The following KCNH1 variants were observed in gnomAD, a reference collection of about 807,000 sequenced individuals.
KCNH1 encodes the protein voltage-gated delayed rectifier potassium channel KCNH1.
Under a neutral mutation model 69.2 loss-of-function variants are expected in KCNH1, and 27 were observed. The observed-to-expected ratio is 0.39, with a 90% CI of 0.29 to 0.54. The LOEUF (loss-of-function observed/expected upper bound fraction) is 0.54, where lower values mean the gene tolerates loss of function less well. Among genes scored for constraint, KCNH1 ranks in the 20% least tolerant of loss-of-function variants. KCNH1 has a pLI of 0.68. For synonymous variants in KCNH1, 456 were observed against 487.7 expected (o/e 0.93, Z 0.86); for missense variants, 798 against 1,261.6 (o/e 0.63, Z 5.57).
At chr1:210,916,540 G>A (rs958755231) in intron 7 of KCNH1, among the ~76,000 whole-genome samples, 4 of 152,102 alleles carry the variant, frequency 2.6e-5, no homozygotes, top group Admixed American at 2.0e-4. Flanking sequence ...AGAGACTGTT[G>A]GGGTCTGTGT....
chr1:210,938,785 A>C (rs1687827516), intron 6 of KCNH1, among the ~76,000 whole-genome samples: 1 of 152,250 alleles, frequency 6.6e-6, no homozygotes, highest in Non-Finnish European at 1.5e-5. Context: ...ATTATTAAAA[A>C]ATTATCACTG....
chr1:210,775,615 T>TA (rs1454097970), intron 9 of KCNH1, 71 bp from the exon 10 acceptor site: 1 of 1,184,416 alleles, frequency 8.4e-7, no homozygotes, highest in Non-Finnish European at 1.2e-6. Flanking sequence ...GGCTTCCCTC[T>TA]ATTCCCCAGA....
In KCNH1 at chr1:210,963,764, C is replaced by T. The variant is rs1267855117; in HGVS notation, c.1033-43695G>A. ...AGAAAAAAGAATGAAAAGGAATGAA[C>T]AAATGCTAAAAGAAGTATGGGAATA... On this transcript the variant is annotated intron_variant, in intron 6 of 10. Coordinates refer to ENST00000271751, the MANE Select transcript of KCNH1 (RefSeq NM_172362.3). Among the ~76,000 whole-genome samples, 3 of 152,132 alleles carry T rather than the reference C, an allele frequency of 2.0e-5. No homozygotes were observed. In the East Asian group the frequency reaches 5.8e-4, roughly 29 times the overall value.
At chr1:210,788,103 T>C (rs1176516251) in intron 9 of KCNH1, among the ~76,000 whole-genome samples, 2 of 152,228 alleles carry the variant, frequency 1.3e-5, no homozygotes, top group Non-Finnish European at 2.9e-5. Flanking sequence ...TTTTCCAAGA[T>C]TGCTATGGAT....
At position 210,883,489 on chromosome 1, in the gene KCNH1, T is replaced by C. The variant is rs1290117518; in HGVS notation, c.1462+36151A>G. Among the ~76,000 whole-genome samples the C allele has an allele frequency of 5.9e-5, 9 of 152,334 alleles. No individual in the cohort carries two copies. The East Asian group carries it at 1.5e-3, about 26-fold the overall frequency. ...TCTTCATAGACAAGGCACAATTTGC[T>C]TCATGTCCTGTTATGGGATGGCATG... On this transcript the variant is annotated intron_variant, in intron 7 of 10. Coordinates refer to ENST00000271751, the MANE Select transcript of KCNH1 (RefSeq NM_172362.3).
chr1:210,983,870 C>A (rs1445334275), intron 6 of KCNH1, among the ~76,000 whole-genome samples: 2 of 152,154 alleles, frequency 1.3e-5, no homozygotes, highest in Non-Finnish European at 1.5e-5. Context: ...GGCAGTATGG[C>A]CATTTTCGTG....
intron 10 of KCNH1, among the ~76,000 whole-genome samples, chr1:210,735,482 G>A (rs1181678527): frequency 4.7e-5 from 7 of 149,696 alleles, no homozygotes; most frequent in African/African-American, 7.4e-5. Flanking sequence ...GGGATGGGGC[G>A]GGGGAAGTGT....
At chr1:211,067,753 G>A (rs1421086381) in intron 5 of KCNH1, among the ~76,000 whole-genome samples, 1 of 152,198 alleles carries the variant, frequency 6.6e-6, no homozygotes, top group East Asian at 1.9e-4. Context: ...CAGGGGGCTA[G>A]GAAGAAGAAA....
At chr1:210,818,440 G>C (rs866003568) in intron 7 of KCNH1, among the ~76,000 whole-genome samples, 1 of 152,128 alleles carries the variant, frequency 6.6e-6, no homozygotes, top group African/African-American at 2.4e-5. Context: ...AGTAATCAGA[G>C]CTTTGCAGTC....
rs138014608 is a variant in KCNH1, at chr1:210,959,846, C to T, written c.1033-39777G>A. Among the ~76,000 whole-genome samples the T allele has an allele frequency of 2.8e-3, 430 of 152,318 alleles. 4 individuals carry two copies. The highest frequency in any genetic ancestry group is 9.6e-3 in the African/African-American group (398 of 41,568). ...CCTTGGCTAGGAAAGGGAAATCCCC[C>T]GACCCTTTGCACTTCCCAGGTGAGG... On this transcript the variant is annotated intron_variant, in intron 6 of 10. Coordinates refer to ENST00000271751, the MANE Select transcript of KCNH1 (RefSeq NM_172362.3).
At chr1:210,974,898 T>C (rs1256906053) in intron 6 of KCNH1, among the ~76,000 whole-genome samples, 1 of 152,172 alleles carries the variant, frequency 6.6e-6, no homozygotes, top group African/African-American at 2.4e-5. Flanking sequence ...GCTATTATCA[T>C]ACATATCACA....
chr1:210,850,286 G>T (rs1407972395), intron 7 of KCNH1, among the ~76,000 whole-genome samples: 1 of 151,958 alleles, frequency 6.6e-6, no homozygotes, highest in Non-Finnish European at 1.5e-5. Flanking sequence ...ATCACTTGAG[G>T]TCAGGATTTA....
intron 6 of KCNH1, among the ~76,000 whole-genome samples, chr1:210,930,593 A>G (rs1036937584): frequency 1.3e-5 from 2 of 152,172 alleles, no homozygotes; most frequent in Non-Finnish European, 2.9e-5. Flanking sequence ...AGAAGATAAC[A>G]TTGGAAAAAA....
intron 10 of KCNH1, among the ~76,000 whole-genome samples, chr1:210,709,336 G>T (rs1558433085): frequency 6.6e-6 from 1 of 152,178 alleles, no homozygotes; most frequent in Admixed American, 6.5e-5. Context: ...TGCGGCAGAA[G>T]CCAAGGAGCA....
chr1:210,910,386 G>C (rs570325270), intron 7 of KCNH1, among the ~76,000 whole-genome samples: 2 of 152,226 alleles, frequency 1.3e-5, no homozygotes, highest in African/African-American at 4.8e-5. Context: ...ACTAGCCTAC[G>C]GCAAAAAGGA....
At chr1:210,929,429 C>T (rs1687638478) in intron 6 of KCNH1, among the ~76,000 whole-genome samples, 1 of 152,108 alleles carries the variant, frequency 6.6e-6, no homozygotes, top group African/African-American at 2.4e-5. Context: ...ACAAAAATCA[C>T]ATGATTATCT....
At chr1:211,037,263 G>T (rs181246119) in intron 5 of KCNH1, among the ~76,000 whole-genome samples, 2 of 152,228 alleles carry the variant, frequency 1.3e-5, no homozygotes, top group East Asian at 3.9e-4. Flanking sequence ...TAGAAGCAAG[G>T]CCACCAGCTC....
intron 5 of KCNH1, among the ~76,000 whole-genome samples, chr1:211,055,095 G>C (rs1374496930): frequency 6.6e-6 from 1 of 151,974 alleles, no homozygotes; most frequent in African/African-American, 2.4e-5. Context: ...ACCTACGTAA[G>C]AGCCAAAAAA....
chr1:210,826,055 G>A (rs1403368084), intron 7 of KCNH1, among the ~76,000 whole-genome samples: 3 of 152,098 alleles, frequency 2.0e-5, no homozygotes, highest in African/African-American at 4.8e-5. Context: ...ATAAAAAAGG[G>A]AGTTCTATTT....
Sources: allele counts gnomAD v4.1 joint callset (sites outside exome capture counted in the v4.1 genomes callset), GRCh38; gene constraint gnomAD v4.1.1; transcripts MANE v1.5; gene names NCBI Gene and HGNC (gene_info 2026-07-23, HGNC 2026-07-21).